The following C19orf67 variants were observed in gnomAD, a reference collection of about 807,000 sequenced individuals.
C19orf67 encodes the protein UPF0575 protein C19orf67.
C19orf67 carries 28 observed loss-of-function variants against 41.4 expected under a neutral mutation model. The observed-to-expected ratio is 0.68, with a 90% confidence interval of 0.50 to 0.93. The LOEUF is 0.93. C19orf67 is among the 40% of genes least tolerant of loss of function. C19orf67 has a pLI of 0.00. For missense variants in C19orf67, 421 were observed against 467.0 expected, an observed-to-expected ratio of 0.90 and a Z score of 0.91; for synonymous variants, 242 against 203.4, an observed-to-expected ratio of 1.19 and a Z score of -1.62.
Position 14,083,722 on chromosome 19 carries a change from C to A in C19orf67, c.480+11G>T. The A allele has an allele frequency of 6.8e-7, 1 of 1,462,778 alleles. No homozygotes were observed. The highest frequency in any genetic ancestry group is 9.0e-7 in the Non-Finnish European group (1 of 1,107,792). The allele number at this position is 1,462,778 out of a possible 1,614,324, so 90.6% of individuals were successfully genotyped here. On this transcript the variant is annotated intron_variant, in intron 2 of 5. Transcript: ENST00000548523. The stretch of plus-strand genomic sequence containing the variant: ...AGAAAGGGGCGTGGGGTCTAAGAAA[C>A]CTCCACACACCCCCTTTCGGACCAG...
chr19:14,082,252 A>G (rs1354644971), intron 5 of C19orf67, among the ~76,000 whole-genome samples: 1 of 152,184 alleles, frequency 6.6e-6, no homozygotes, highest in Non-Finnish European at 1.5e-5. Flanking sequence ...GGCAGGTAAC[A>G]ACTTCTCTGA....
At chr19:14,085,127 T>C (rs1976832352) in intron 1 of C19orf67, among the ~76,000 whole-genome samples, 166 bp downstream of exon 1, 1 of 152,154 alleles carries the variant, frequency 6.6e-6, no homozygotes, top group African/African-American at 2.4e-5. Context: ...AATTCTACAG[T>C]CTTCCTCATT....
chr19:14,082,122 G>A (rs1008213428), intron 5 of C19orf67, 114 bp from the exon 6 acceptor site: 84 of 987,388 alleles, frequency 8.5e-5, no homozygotes, highest in Non-Finnish European at 1.1e-4. Flanking sequence ...TTCAGCTGCG[G>A]GTGGGAAAAA....
At chr19:14,084,915 A>G (rs940969174) in intron 1 of C19orf67, among the ~76,000 whole-genome samples, 13 of 152,196 alleles carry the variant, frequency 8.5e-5, no homozygotes, top group African/African-American at 3.1e-4. Flanking sequence ...GTCACAGGGA[A>G]ACCTGGTCTG....
At chr19:14,083,660 C>A (rs768659266) in intron 2 of C19orf67, 55 bp from the exon 3 acceptor site, 1 of 1,523,600 alleles carries the variant, frequency 6.6e-7, no homozygotes, top group African/African-American at 1.4e-5. Flanking sequence ...GAGTGGGCCT[C>A]CCCCTCCACC....
rs1283340936 is a variant in C19orf67, at chr19:14,082,489, G to A, written c.882C>T (p.Ala294=). The change falls in exon 5 of 6, where the codon GCC becomes GCT. Residue 294 remains alanine, a synonymous_variant. Transcript: ENST00000548523. The stretch of plus-strand genomic sequence containing the variant: ...CCTACCATGAATAAAGGTCATCCTC[G>A]GCTGGTCCTAGGGGCACCCATCGGC... ...SIGRWVPLGP[A]EDDLYSWILC... is the part of the protein sequence containing the mutation. 4 of 1,535,382 alleles carry A rather than the reference G, an allele frequency of 2.6e-6. No homozygotes were observed. Among genetic ancestry groups the A allele is most frequent in the Non-Finnish European group, 3.5e-6 (4 of 1,146,564 alleles).
In C19orf67 at chr19:14,083,538, C is replaced by T. The variant is rs1269735889; in HGVS notation, c.548G>A (p.Gly183Glu). Residue 183 changes from glycine (G) to glutamate (E), a missense_variant, in exon 3 of 6, where the codon GGG becomes GAG. Gly to Glu is a moderately conservative substitution (Grantham distance 98). Around this residue, in one of 3 missense-constraint regions of C19orf67, gnomAD observed 253 missense variants for 307.0 expected, o/e 0.82. Coordinates refer to ENST00000548523, the MANE Select transcript of C19orf67 (RefSeq NM_001277378.2). Reference protein sequence around the residue: ...EQLVLMYASFGFVDLEEMNPL... With the variant: ...EQLVLMYASFEFVDLEEMNPL... Reference sequence around the variant, plus strand: ...GTTCATCTCCTCCAGGTCCACGAACCCAAAGGAAGCGTACATGAGGACCAG... The same window carrying T: ...GTTCATCTCCTCCAGGTCCACGAACTCAAAGGAAGCGTACATGAGGACCAG... 1 of 1,535,916 alleles carries T rather than the reference C, an allele frequency of 6.5e-7. No homozygotes were observed. The highest frequency in any genetic ancestry group is 8.7e-7 in the Non-Finnish European group (1 of 1,146,894).
chr19:14,083,105 T>C, intron 4 of C19orf67, 132 bp downstream of exon 4: 2 of 749,270 alleles, frequency 2.7e-6, no homozygotes, highest in Non-Finnish European at 4.3e-6. Flanking sequence ...CCTCCCAAAG[T>C]GTTGGGATTA....
rs1568518355 is a variant in C19orf67, at chr19:14,083,300, ATCTTCTT to A, written c.697_703del (p.Lys233CysfsTer57). On this transcript the variant is annotated frameshift_variant, in exon 4 of 6. Coordinates refer to ENST00000548523, the MANE Select transcript of C19orf67 (RefSeq NM_001277378.2). LOFTEE classifies it high-confidence loss of function. The stretch of plus-strand genomic sequence containing the variant: ...TGGGGTGGCTTCCAGGTGCCAGCGC[ATCTTCTT>A]ATAGAGGTAGCGGGGGAAGCGGCTG... The A allele has an allele frequency of 6.5e-7, 1 of 1,536,090 alleles. No homozygotes were observed. Among genetic ancestry groups the A allele is most frequent in the South Asian group, 1.2e-5 (1 of 84,066 alleles).
At chr19:14,082,707 T>G in intron 4 of C19orf67, 104 bp from the exon 5 acceptor site, 1 of 1,126,162 alleles carries the variant, frequency 8.9e-7, no homozygotes. Context: ...GAAGTTGCCC[T>G]GAAGTTCTCA....
chr19:14,081,632 CTTTCT>C lies in C19orf67; in HGVS notation c.*197_*201del. ...CGGACGCTGAGCCTGTGACCTCTTT[CTTTCT>C]TTTATTTAACACAAAACTGACGTGT... On this transcript the variant is annotated 3_prime_UTR_variant, in exon 6 of 6. Coordinates refer to ENST00000548523, the MANE Select transcript of C19orf67 (RefSeq NM_001277378.2). The C allele has an allele frequency of 2.4e-6, 1 of 425,140 alleles. No homozygotes were observed. Among genetic ancestry groups the C allele is most frequent in the South Asian group, 6.1e-5 (1 of 16,396 alleles). The allele number at this position is 425,140 out of a possible 1,614,324, so 26.3% of individuals were successfully genotyped here.
chr19:14,081,748 A>C lies in C19orf67; in HGVS notation c.*86T>G, dbSNP rs955379019. The C allele has an allele frequency of 9.2e-6, 11 of 1,189,486 alleles. No homozygotes were observed. Among genetic ancestry groups the C allele is most frequent in the Non-Finnish European group, 1.1e-5 (10 of 889,280 alleles). 73.7% of individuals were successfully genotyped at this position (1,189,486 alleles called of 1,614,324 possible). A position where few individuals can be genotyped will look rare whatever the true frequency, so the allele number is the denominator to read the frequency against. On this transcript the variant is annotated 3_prime_UTR_variant, in exon 6 of 6. Transcript: ENST00000548523. ...CCTTTGGAAGGCGAGGCCGGGCTGC[A>C]CTGCGAGAACGAGTGAGCCCCTCCC...
chr19:14,085,100 A>G (rs909443315), intron 1 of C19orf67, among the ~76,000 whole-genome samples, 193 bp downstream of exon 1: 2 of 152,186 alleles, frequency 1.3e-5, no homozygotes, highest in Admixed American at 1.3e-4. Context: ...CAGTAATAGC[A>G]GCCATCCCCT....
In C19orf67 at chr19:14,081,626, C is replaced by CTT. The variant is rs34509648; in HGVS notation, c.*207_*208insAA. 9.6e-6 allele frequency: 4 copies of CTT among 417,070 alleles called. No individual in the cohort carries two copies. The highest frequency in any genetic ancestry group is 4.1e-5 in the African/African-American group (2 of 48,442). 25.8% of individuals were successfully genotyped at this position (417,070 alleles called of 1,614,324 possible). A position where few individuals can be genotyped will look rare whatever the true frequency, so the allele number is the denominator to read the frequency against. On this transcript the variant is annotated 3_prime_UTR_variant, in exon 6 of 6. Coordinates refer to ENST00000548523, the MANE Select transcript of C19orf67 (RefSeq NM_001277378.2). ...TCGCAGCGGACGCTGAGCCTGTGAC[C>CTT]TCTTTCTTTCTTTTATTTAACACAA...
At chr19:14,082,057 T>C in intron 5 of C19orf67, 49 bp from the exon 6 acceptor site, 5 of 1,394,766 alleles carry the variant, frequency 3.6e-6, no homozygotes, top group South Asian at 1.5e-5. Context: ...GAGTGCCCCC[T>C]GCCCCTCGGG....
At position 14,081,806 on chromosome 19, in the gene C19orf67, G is replaced by A; in HGVS notation, c.*28C>T. 1.4e-6 allele frequency: 2 copies of A among 1,478,458 alleles called. No individual in the cohort carries two copies. Among genetic ancestry groups the A allele is most frequent in the South Asian group, 1.3e-5 (1 of 79,664 alleles). The allele number at this position is 1,478,458 out of a possible 1,614,324, so 91.6% of individuals were successfully genotyped here. On this transcript the variant is annotated 3_prime_UTR_variant, in exon 6 of 6. Coordinates refer to ENST00000548523, the MANE Select transcript of C19orf67 (RefSeq NM_001277378.2). ...CTATTCTGGAGTTTGGAACTGTCAA[G>A]TTCCAGCTCCTACCCTCTTCCCCAG... is the stretch of plus-strand genomic sequence containing the variant.
chr19:14,082,096 G>C (rs1976776500), intron 5 of C19orf67, 88 bp from the exon 6 acceptor site: 1 of 1,156,876 alleles, frequency 8.6e-7, no homozygotes, highest in Non-Finnish European at 1.2e-6. Context: ...AGAGGCTCAG[G>C]TGAAAGAGGC....
At chr19:14,083,474 A>AT in intron 3 of C19orf67, 31 bp downstream of exon 3, 1 of 1,533,350 alleles carries the variant, frequency 6.5e-7, no homozygotes. Flanking sequence ...GGACTCCTTC[A>AT]TCCCCCCATC....
At chr19:14,085,050 G>A (rs957385373) in intron 1 of C19orf67, among the ~76,000 whole-genome samples, 6 of 152,182 alleles carry the variant, frequency 3.9e-5, no homozygotes, top group Admixed American at 2.0e-4. Context: ...GGGAGAAAAA[G>A]TCCTAGAGAC....
Sources: gnomAD v4.1 joint callset for allele counts (sites outside exome capture counted in the v4.1 genomes callset) on GRCh38, gnomAD v4.1.1 for gene constraint, gnomAD v4.1.1 regional missense constraint, MANE v1.5 for transcripts, NCBI Gene and HGNC (gene_info 2026-07-23, HGNC 2026-07-21) for gene names.